SHANK2: variants seen among roughly 807,000 people sequenced by gnomAD.
SHANK2 encodes the protein SH3 and multiple ankyrin repeat domains protein 2.
Under a neutral mutation model 133.7 loss-of-function variants are expected in SHANK2, and 43 were observed. The ratio of observed to expected loss-of-function variants is 0.32; its 90% CI spans 0.25 to 0.41. The LOEUF (loss-of-function observed/expected upper bound fraction) is 0.41. SHANK2 is among the 10% of genes least tolerant of loss of function. The pLI is 1.00. For synonymous variants in SHANK2, 1,017 were observed against 952.8 expected, an observed-to-expected ratio of 1.07 and a Z score of -1.24; for missense variants, 1,994 against 2,235.8, an observed-to-expected ratio of 0.89 and a Z score of 2.18.
chr11:70,526,890 TCTC>T (rs1388551051), intron 17 of SHANK2, among the ~76,000 whole-genome samples: 1 of 147,102 alleles, frequency 6.8e-6, no homozygotes, highest in Non-Finnish European at 1.5e-5. Context: ...CTGAGCCCAC[TCTC>T]CTCCCTGTAC....
intron 11 of SHANK2, among the ~76,000 whole-genome samples, chr11:70,889,175 A>T (rs557736167): frequency 6.6e-6 from 1 of 152,206 alleles, no homozygotes; most frequent in East Asian, 1.9e-4. Context: ...TTTAGGGTAG[A>T]CTCTAAATTC....
intron 10 of SHANK2, among the ~76,000 whole-genome samples, chr11:70,922,372 C>T (rs1451966916): frequency 1.3e-5 from 2 of 152,030 alleles, no homozygotes; most frequent in African/African-American, 4.8e-5. Context: ...CCTAAACTGA[C>T]AAAACATGTA....
chr11:70,955,567 A>G (rs1391016339), intron 10 of SHANK2, among the ~76,000 whole-genome samples: 6 of 152,164 alleles, frequency 3.9e-5, no homozygotes, highest in African/African-American at 1.4e-4. Context: ...ATGTGTACAC[A>G]TGCAAAGAGA....
intron 17 of SHANK2, among the ~76,000 whole-genome samples, chr11:70,520,233 C>T (rs371162579): frequency 1.3e-5 from 2 of 152,132 alleles, no homozygotes; most frequent in Non-Finnish European, 2.9e-5. Flanking sequence ...TTAACTAAAG[C>T]CCACATTTTA....
intron 15 of SHANK2, among the ~76,000 whole-genome samples, chr11:70,674,365 T>C (rs1278556593): frequency 1.3e-5 from 2 of 152,210 alleles, no homozygotes; most frequent in Non-Finnish European, 2.9e-5. Context: ...GTCCCCTTTT[T>C]TTTTTTTGAG....
chr11:71,238,912 T>C (rs1017667060), intron 1 of SHANK2, among the ~76,000 whole-genome samples: 1 of 152,100 alleles, frequency 6.6e-6, no homozygotes, highest in African/African-American at 2.4e-5. Context: ...TAGGGGTGGG[T>C]TGCCCCTACA....
intron 11 of SHANK2, among the ~76,000 whole-genome samples, chr11:70,866,360 A>C (rs1412965418): frequency 1.3e-5 from 2 of 152,308 alleles, no homozygotes; most frequent in African/African-American, 4.8e-5. Flanking sequence ...TTGGGAACCG[A>C]GACTCATTTT....
In SHANK2 at chr11:71,094,697, C is replaced by A. The variant is rs1280268569; in HGVS notation, c.593-9G>T. ...TAAGGTCAGGGGGGTCTCTGAGGAA[C>A]CCAAACACACACACTTTAGAACCAA... On this transcript the variant is annotated splice_polypyrimidine_tract_variant and intron_variant, in intron 6 of 25. Transcript: ENST00000601538. The A allele has an allele frequency of 1.3e-6, 2 of 1,550,954 alleles. No individual in the cohort carries two copies. The highest frequency in any genetic ancestry group is 1.4e-5 in the African/African-American group (1 of 73,032).
intron 6 of SHANK2, among the ~76,000 whole-genome samples, chr11:71,098,221 G>A (rs782389155): frequency 7.0e-4 from 106 of 151,656 alleles, no homozygotes; most frequent in South Asian, 2.5e-3. Flanking sequence ...GTGCATGCCT[G>A]TGTGTCTACA....
Position 70,798,462 on chromosome 11 carries a change from C to T in SHANK2, c.1758G>A (p.Lys586=). 1 of 718,474 alleles carries T rather than the reference C, an allele frequency of 1.4e-6. No individual in the cohort carries two copies. The highest frequency in any genetic ancestry group is 2.7e-5 in the East Asian group (1 of 37,284). 44.5% of individuals were successfully genotyped at this position (718,474 alleles called of 1,614,324 possible). A position where few individuals can be genotyped will look rare whatever the true frequency, so the allele number is the denominator to read the frequency against. The stretch of plus-strand genomic sequence containing the variant: ...CCTTACCTGCCTGGCTGTCCCTGGG[C>T]TTACACTGGACCTCCTCCACGCACT... The part of the protein sequence containing the change: ...PAECVEEVQC[K]PRDSQAETRA... The change falls in exon 14 of 26, where the codon AAG becomes AAA. Residue 586 remains lysine (K), a synonymous_variant. Coordinates refer to ENST00000601538, the MANE Select transcript of SHANK2 (RefSeq NM_012309.5).
intron 11 of SHANK2, among the ~76,000 whole-genome samples, chr11:70,875,081 C>T (rs577558108): frequency 2.0e-5 from 3 of 152,264 alleles, no homozygotes; most frequent in African/African-American, 7.2e-5. Context: ...GCAACTGTAG[C>T]AATTGCTTAG....
At chr11:70,869,591 G>A (rs1949425787) in intron 11 of SHANK2, among the ~76,000 whole-genome samples, 1 of 152,194 alleles carries the variant, frequency 6.6e-6, no homozygotes, top group Non-Finnish European at 1.5e-5. Flanking sequence ...CCAGGCTCGG[G>A]TATGGAGCTC....
chr11:70,740,179 G>C (rs1381249343), intron 14 of SHANK2, among the ~76,000 whole-genome samples: 2 of 152,014 alleles, frequency 1.3e-5, no homozygotes, highest in Admixed American at 6.5e-5. Context: ...AGCTAGGACA[G>C]ACAGTGCCTG....
At chr11:70,503,376 G>T (rs2059088906) in intron 17 of SHANK2, among the ~76,000 whole-genome samples, 1 of 152,170 alleles carries the variant, frequency 6.6e-6, no homozygotes, top group African/African-American at 2.4e-5. Flanking sequence ...AGGAGGAAAC[G>T]TGGCGCTTAA....
intron 14 of SHANK2, among the ~76,000 whole-genome samples, chr11:70,736,956 C>A (rs574099478): frequency 6.6e-6 from 1 of 152,180 alleles, no homozygotes; most frequent in Non-Finnish European, 1.5e-5. Flanking sequence ...GGTTCTGAAA[C>A]GTGGCCTCTA....
intron 17 of SHANK2, among the ~76,000 whole-genome samples, chr11:70,579,952 G>C (rs1277119988): frequency 6.6e-6 from 1 of 152,192 alleles, no homozygotes; most frequent in Admixed American, 6.5e-5. Context: ...AAAAGGCAAG[G>C]AAACAGGCTC....
intron 8 of SHANK2, among the ~76,000 whole-genome samples, chr11:71,086,449 A>C (rs1416695566): frequency 1.5e-5 from 2 of 134,258 alleles, no homozygotes; most frequent in Admixed American, 1.6e-4. Flanking sequence ...TTTATATATT[A>C]TATTATATAT....
At position 70,825,571 on chromosome 11, in the gene SHANK2, A is replaced by C. The variant is rs1483228206; in HGVS notation, c.1175-4889T>G. Among the ~76,000 whole-genome samples, 5 of 152,252 alleles carry C rather than the reference A, an allele frequency of 3.3e-5. No individual in the cohort carries two copies. The East Asian group carries it at 9.6e-4, about 29-fold the overall frequency. On this transcript the variant is annotated intron_variant, in intron 11 of 25. Coordinates refer to ENST00000601538, the MANE Select transcript of SHANK2 (RefSeq NM_012309.5). ...TGACATCAGTGTGAACATTTTAATG[A>C]AAATTACCTCGCGTAATTACCAAGA...
At chr11:70,578,740 G>A (rs1217233877) in intron 17 of SHANK2, among the ~76,000 whole-genome samples, 2 of 152,222 alleles carry the variant, frequency 1.3e-5, no homozygotes, top group African/African-American at 4.8e-5. Flanking sequence ...ATGGCCCATG[G>A]AAGATTTTAG....
Sources: gnomAD v4.1 joint callset for allele counts (sites outside exome capture counted in the v4.1 genomes callset) on GRCh38, gnomAD v4.1.1 for gene constraint, MANE v1.5 for transcripts, NCBI Gene and HGNC (gene_info 2026-07-23, HGNC 2026-07-21) for gene names.